The following IQCM variants were observed in gnomAD, a reference collection of about 807,000 sequenced individuals.
IQCM encodes IQ motif containing M.
A neutral mutation model predicts 57.6 loss-of-function variants in IQCM; 45 were observed. The observed-to-expected ratio is 0.78, with a 90% CI of 0.62 to 1.00. The LOEUF (loss-of-function observed/expected upper bound fraction) is 1.00, where lower values mean the gene tolerates loss of function less well. Among genes scored for constraint, IQCM ranks in the 50% least tolerant of loss-of-function variants. The pLI, the probability that IQCM is intolerant of heterozygous loss-of-function variation, is 0.00. For missense variants in IQCM, 468 were observed against 511.6 expected, an observed-to-expected ratio of 0.91 and a Z score of 0.82; for synonymous variants, 148 against 158.9, an observed-to-expected ratio of 0.93 and a Z score of 0.51.
intron 2 of IQCM, among the ~76,000 whole-genome samples, chr4:149,762,621 ACAAT>A (rs1447856546): frequency 2.0e-5 from 3 of 152,080 alleles, no homozygotes; most frequent in Non-Finnish European, 4.4e-5. Context: ...TCTCTATAAG[ACAAT>A]CAATGCCAGG....
chr4:149,363,448 T>C (rs1729628960), intron 13 of IQCM, among the ~76,000 whole-genome samples: 1 of 152,234 alleles, frequency 6.6e-6, no homozygotes, highest in African/African-American at 2.4e-5. Flanking sequence ...ATTGCAATTA[T>C]TGGGATTGTC....
chr4:149,497,539 A>T (rs1170394975), intron 12 of IQCM, among the ~76,000 whole-genome samples: 1 of 151,930 alleles, frequency 6.6e-6, no homozygotes, highest in East Asian at 1.9e-4. Context: ...CCTTTTTAAA[A>T]CCATCAGATC....
chr4:149,702,300 T>TCACACA (rs3085128), intron 5 of IQCM, among the ~76,000 whole-genome samples: 4,440 of 145,910 alleles, frequency 0.03, 124 homozygotes, highest in African/African-American at 0.07. Flanking sequence ...CTCCCTCACT[T>TCACACA]CACACACACA....
At chr4:149,449,370 A>C (rs962360157) in intron 12 of IQCM, among the ~76,000 whole-genome samples, 30 of 145,948 alleles carry the variant, frequency 2.1e-4, no homozygotes, top group African/African-American at 7.4e-4. Context: ...TATACATTAT[A>C]TTATATATTA....
intron 12 of IQCM, among the ~76,000 whole-genome samples, chr4:149,535,516 A>AAGTCCTGC (rs1747203603): frequency 6.6e-6 from 1 of 152,046 alleles, no homozygotes; most frequent in Non-Finnish European, 1.5e-5. Context: ...AAGGAACCAA[A>AAGTCCTGC]AGTCCTGCTC....
chr4:149,637,863 A>G (rs890242115), intron 7 of IQCM, among the ~76,000 whole-genome samples: 5 of 152,250 alleles, frequency 3.3e-5, no homozygotes, highest in Non-Finnish European at 5.9e-5. Context: ...AGCTAAAACA[A>G]CAAAGCTACC....
At chr4:149,492,380 G>A (rs1340020564) in intron 12 of IQCM, among the ~76,000 whole-genome samples, 1 of 152,002 alleles carries the variant, frequency 6.6e-6, no homozygotes, top group Non-Finnish European at 1.5e-5. Flanking sequence ...CCAATAGGAT[G>A]AATGTTCACC....
intron 12 of IQCM, among the ~76,000 whole-genome samples, chr4:149,444,402 T>G (rs1222062951): frequency 1.3e-5 from 2 of 151,948 alleles, no homozygotes; most frequent in Non-Finnish European, 2.9e-5. Context: ...ACATTGGAGA[T>G]ATAGTAAACA....
intron 12 of IQCM, among the ~76,000 whole-genome samples, chr4:149,451,858 T>G (rs1245173960): frequency 6.6e-6 from 1 of 151,648 alleles, no homozygotes; most frequent in Non-Finnish European, 1.5e-5. Context: ...ATAGTGGTGA[T>G]TCCACCTAGT....
intron 6 of IQCM, among the ~76,000 whole-genome samples, chr4:149,685,452 G>A (rs556403665): frequency 6.6e-6 from 1 of 151,444 alleles, no homozygotes; most frequent in East Asian, 1.9e-4. Context: ...CAAACCTTTA[G>A]TATTAAGGCT....
intron 7 of IQCM, among the ~76,000 whole-genome samples, chr4:149,678,626 C>T (rs187468215): frequency 2.1e-4 from 31 of 149,076 alleles, no homozygotes; most frequent in African/African-American, 6.9e-4. Flanking sequence ...AAGGACAAAC[C>T]CAGAATACTA....
intron 13 of IQCM, among the ~76,000 whole-genome samples, chr4:149,373,865 TCCA>T (rs1730530341): frequency 6.6e-6 from 1 of 152,108 alleles, no homozygotes; most frequent in African/African-American, 2.4e-5. Flanking sequence ...TTAATTATTT[TCCA>T]CCAATTAGCT....
At chr4:149,556,147 C>G (rs1055504360) in intron 10 of IQCM, among the ~76,000 whole-genome samples, 1 of 152,184 alleles carries the variant, frequency 6.6e-6, no homozygotes, top group Non-Finnish European at 1.5e-5. Context: ...TTTCTACTTA[C>G]AACAGCAATA....
chr4:149,457,666 T>C (rs1737842405), intron 12 of IQCM, among the ~76,000 whole-genome samples: 1 of 152,046 alleles, frequency 6.6e-6, no homozygotes, highest in South Asian at 2.1e-4. Flanking sequence ...GATCAAAATA[T>C]AGAAAGTTAT....
intron 9 of IQCM, among the ~76,000 whole-genome samples, chr4:149,577,079 T>C (rs1751729112): frequency 6.6e-6 from 1 of 152,052 alleles, no homozygotes; most frequent in Non-Finnish European, 1.5e-5. Flanking sequence ...CACTTTTTAA[T>C]GGGGTTGTTT....
At chr4:149,659,758 T>A (rs1003617465) in intron 7 of IQCM, among the ~76,000 whole-genome samples, 11 of 152,128 alleles carry the variant, frequency 7.2e-5, no homozygotes, top group Non-Finnish European at 1.0e-4. Flanking sequence ...TAAATGGTGC[T>A]GGGAAAACTG....
intron 13 of IQCM, among the ~76,000 whole-genome samples, chr4:149,393,527 T>G (rs1732012353): frequency 6.6e-6 from 1 of 151,828 alleles, no homozygotes; most frequent in South Asian, 2.1e-4. Flanking sequence ...TAAAGATATA[T>G]AGAAATTCAA....
In IQCM at chr4:149,682,389, ACT is replaced by A. The variant is rs1762243173; in HGVS notation, c.477-185_477-184del. On this transcript the variant is annotated intron_variant, in intron 6 of 13. Coordinates refer to ENST00000636793, the MANE Select transcript of IQCM (RefSeq NM_001363507.2). ...AAATATTATTAAACAAAGACAAAAT[ACT>A]ACGAAATTTTGCTGGTTCTGAGACG... is the stretch of plus-strand genomic sequence containing the variant. Among the ~76,000 whole-genome samples the A allele has an allele frequency of 2.6e-5, 4 of 151,198 alleles. No homozygotes were observed. The South Asian group carries it at 6.2e-4, about 23-fold the overall frequency.
At chr4:149,401,966 A>G (rs1732646331) in intron 13 of IQCM, among the ~76,000 whole-genome samples, 1 of 151,836 alleles carries the variant, frequency 6.6e-6, no homozygotes, top group Admixed American at 6.6e-5. Flanking sequence ...GATGATGTGG[A>G]AATAGAACTT....
Sources: allele counts gnomAD v4.1 joint callset (sites outside exome capture counted in the v4.1 genomes callset), GRCh38; gene constraint gnomAD v4.1.1; transcripts MANE v1.5; gene names NCBI Gene and HGNC (gene_info 2026-07-23, HGNC 2026-07-21).